The following AGBL4 variants were observed in gnomAD, a reference collection of about 807,000 sequenced individuals.
AGBL4 encodes the protein cytosolic carboxypeptidase 6.
In AGBL4, 58 loss-of-function variants were observed where a neutral mutation model predicts 66.4. The ratio of observed to expected loss-of-function variants is 0.87; its 90% CI spans 0.71 to 1.09. The LOEUF (loss-of-function observed/expected upper bound fraction) is 1.09. AGBL4 is among the 50% of genes least tolerant of loss of function. The pLI, the probability that AGBL4 is intolerant of heterozygous loss-of-function variation, is 0.00. For missense variants in AGBL4, 579 were observed against 631.0 expected, an observed-to-expected ratio of 0.92 and a Z score of 0.88; for synonymous variants, 234 against 222.9, an observed-to-expected ratio of 1.05 and a Z score of -0.44.
chr1:49,706,049 G>A (rs999603114), intron 2 of AGBL4, among the ~76,000 whole-genome samples: 1 of 152,146 alleles, frequency 6.6e-6, no homozygotes, highest in African/African-American at 2.4e-5. Flanking sequence ...GTATCAAGAT[G>A]AGGCTGGACT....
At chr1:48,662,788 A>T (rs1646128636) in intron 7 of AGBL4, among the ~76,000 whole-genome samples, 1 of 152,140 alleles carries the variant, frequency 6.6e-6, no homozygotes. Flanking sequence ...GCCAACATAC[A>T]CATTGACCTG....
At chr1:49,129,105 C>A (rs982927596) in intron 4 of AGBL4, among the ~76,000 whole-genome samples, 1 of 151,890 alleles carries the variant, frequency 6.6e-6, no homozygotes. Flanking sequence ...ATGAAAAATG[C>A]TTACTATCAT....
intron 5 of AGBL4, among the ~76,000 whole-genome samples, chr1:49,030,609 G>C (rs878943788): frequency 6.6e-6 from 1 of 151,932 alleles, no homozygotes; most frequent in Admixed American, 6.6e-5. Flanking sequence ...GTGAAAGGAA[G>C]GGATCTAGGT....
intron 4 of AGBL4, among the ~76,000 whole-genome samples, chr1:49,076,597 A>G (rs1644714243): frequency 1.3e-5 from 2 of 152,218 alleles, no homozygotes; most frequent in South Asian, 4.1e-4. Context: ...TGAAAACCCT[A>G]TAAGTAAATT....
intron 1 of AGBL4, among the ~76,000 whole-genome samples, chr1:49,890,025 C>T (rs1459056985): frequency 6.6e-6 from 1 of 152,020 alleles, no homozygotes; most frequent in East Asian, 1.9e-4. Flanking sequence ...ATGAATCAAT[C>T]GGGATTCAAA....
chr1:48,623,529 T>C (rs542214567), intron 9 of AGBL4, among the ~76,000 whole-genome samples: 69 of 152,364 alleles, frequency 4.5e-4, no homozygotes, highest in African/African-American at 1.4e-3. Context: ...CAGTAAATAA[T>C]GGACAAATTG....
At chr1:49,633,923 TTA>T (rs962945843) in intron 3 of AGBL4, among the ~76,000 whole-genome samples, 26 of 147,386 alleles carry the variant, frequency 1.8e-4, no homozygotes, top group Non-Finnish European at 2.1e-4. Flanking sequence ...ATTACATATT[TTA>T]TATATATTTT....
intron 1 of AGBL4, among the ~76,000 whole-genome samples, chr1:50,014,005 T>C (rs1047905916): frequency 2.6e-5 from 4 of 152,188 alleles, no homozygotes; most frequent in African/African-American, 4.8e-5. Context: ...ATGTTTTAAA[T>C]CTTATCTTTG....
intron 12 of AGBL4, 29 bp from the exon 13 acceptor site, chr1:48,534,945 C>T (rs1020023534): frequency 6.5e-7 from 1 of 1,549,290 alleles, no homozygotes; most frequent in Non-Finnish European, 8.7e-7. Context: ...TCATGTCCTT[C>T]CTGCCTCTTA....
intron 4 of AGBL4, among the ~76,000 whole-genome samples, chr1:49,051,809 T>G (rs1290837319): frequency 1.3e-5 from 2 of 152,120 alleles, no homozygotes; most frequent in Non-Finnish European, 2.9e-5. Flanking sequence ...CTCCGCACTT[T>G]GTCACAGCTA....
chr1:48,951,782 G>C (rs1222544310), intron 5 of AGBL4, among the ~76,000 whole-genome samples: 2 of 152,164 alleles, frequency 1.3e-5, no homozygotes, highest in African/African-American at 4.8e-5. Context: ...AGCCTGAACT[G>C]ACTACAACAT....
chr1:49,098,448 TGAGAA>T (rs1645146354), intron 4 of AGBL4, among the ~76,000 whole-genome samples: 2 of 152,300 alleles, frequency 1.3e-5, no homozygotes, highest in South Asian at 4.1e-4. Flanking sequence ...GCCTGAGATA[TGAGAA>T]GAGATGTGAT....
At chr1:49,846,212 A>T in intron 2 of AGBL4, 2 of 1,459,452 alleles carry the variant, frequency 1.4e-6, no homozygotes, top group African/African-American at 1.4e-5. Flanking sequence ...CAGCCAGCAC[A>T]AAAGGACACA....
intron 12 of AGBL4, among the ~76,000 whole-genome samples, chr1:48,535,996 C>T (rs1643964806): frequency 6.6e-6 from 1 of 151,974 alleles, no homozygotes; most frequent in African/African-American, 2.4e-5. Context: ...CTGAAGCTAC[C>T]AGAGAAGCCA....
At chr1:49,045,865 C>A in intron 4 of AGBL4, 65 bp from the exon 5 acceptor site, 1 of 1,332,232 alleles carries the variant, frequency 7.5e-7, no homozygotes. Context: ...AAAGGTAATA[C>A]ATATAAATCA....
At chr1:48,764,446 G>T (rs1644430542) in intron 6 of AGBL4, among the ~76,000 whole-genome samples, 1 of 152,164 alleles carries the variant, frequency 6.6e-6, no homozygotes, top group Non-Finnish European at 1.5e-5. Context: ...TAAGAATCTG[G>T]ACTACACAAG....
intron 5 of AGBL4, among the ~76,000 whole-genome samples, chr1:48,876,452 A>C (rs1457503095): frequency 6.6e-6 from 1 of 152,154 alleles, no homozygotes; most frequent in Non-Finnish European, 1.5e-5. Flanking sequence ...ATGAGTCAGA[A>C]GATTACATGC....
At chr1:49,655,623 C>T (rs1164848360) in intron 3 of AGBL4, among the ~76,000 whole-genome samples, 1 of 152,116 alleles carries the variant, frequency 6.6e-6, no homozygotes, top group Non-Finnish European at 1.5e-5. Context: ...AATTGACACC[C>T]TCACATCACA....
chr1:49,851,549 G>T, intron 1 of AGBL4, 31 bp from the exon 2 acceptor site: 1 of 1,542,558 alleles, frequency 6.5e-7, no homozygotes, highest in Non-Finnish European at 8.8e-7. Context: ...AAAAGTCAAA[G>T]TATATTCGGC....
Sources: gnomAD v4.1 joint callset for allele counts (sites outside exome capture counted in the v4.1 genomes callset) on GRCh38, gnomAD v4.1.1 for gene constraint, MANE v1.5 for transcripts, NCBI Gene and HGNC (gene_info 2026-07-23, HGNC 2026-07-21) for gene names.